Variants in ABLIM1 observed in about 807,000 individuals in gnomAD.
The protein encoded by ABLIM1 is actin-binding LIM protein 1.
A neutral mutation model predicts 107.0 loss-of-function variants in ABLIM1; 40 were observed. The observed-to-expected ratio is 0.37, with a 90% CI of 0.29 to 0.49. ABLIM1 has a LOEUF of 0.49. Among genes scored for constraint, ABLIM1 ranks in the 20% least tolerant of loss-of-function variants. The pLI is 0.97. For synonymous variants in ABLIM1, 357 were observed against 357.3 expected, an observed-to-expected ratio of 1.00 and a Z score of 0.01; for missense variants, 857 against 1,008.5, an observed-to-expected ratio of 0.85 and a Z score of 2.04.
At chr10:114,441,885 C>A in intron 17 of ABLIM1, 99 bp from the exon 18 acceptor site, 2 of 1,078,492 alleles carry the variant, frequency 1.9e-6, no homozygotes, top group Non-Finnish European at 2.8e-6. Flanking sequence ...GATAGAAATA[C>A]CAAAAAAATT....
chr10:114,639,439 G>A (rs561146117), intron 1 of ABLIM1, among the ~76,000 whole-genome samples: 3 of 152,214 alleles, frequency 2.0e-5, no homozygotes, highest in Non-Finnish European at 4.4e-5. Flanking sequence ...CCTACCCAGT[G>A]GTTATTCTAT....
intron 1 of ABLIM1, among the ~76,000 whole-genome samples, chr10:114,724,058 AC>A (rs2081906733): frequency 6.6e-6 from 1 of 152,020 alleles, no homozygotes; most frequent in African/African-American, 2.4e-5. Context: ...ATTTATGAAA[AC>A]CCTTTTAACA....
Position 114,629,938 on chromosome 10 carries a change from G to A in ABLIM1, c.245-27977C>T, listed in dbSNP as rs1168738458. The stretch of plus-strand genomic sequence containing the variant: ...CAATCAGAAAGCAGTGGTGTGGACT[G>A]GCACAGACCTCAAAATAAAACAGAA... On this transcript the variant is annotated intron_variant, in intron 1 of 22. Coordinates refer to ENST00000533213, the MANE Select transcript of ABLIM1 (RefSeq NM_002313.7). This position sits in a 1 kb window ranked among gnomAD's most constrained non-coding sequence, Gnocchi z 4.0. Among the ~76,000 whole-genome samples, 1 of 152,146 alleles carries A rather than the reference G, an allele frequency of 6.6e-6. No individual in the cohort carries two copies. The highest frequency in any genetic ancestry group is 2.4e-5 in the African/African-American group (1 of 41,426).
At position 114,473,020 on chromosome 10, in the gene ABLIM1, G is replaced by C. The variant is rs758212237; in HGVS notation, c.1232C>G (p.Thr411Ser). The C allele has an allele frequency of 1.2e-6, 2 of 1,610,668 alleles. No homozygotes were observed. The highest frequency in any genetic ancestry group is 3.4e-5 in the Admixed American group (2 of 59,692). ...PDLITYEPFY[T>S]SGYDDKQERQ... ...CTCCTGTTTGTCATCATAGCCCGAA[G>C]TGTAGAAAGGCTCATAGGTAATAAG... The change falls in exon 10 of 23, where the codon ACT (threonine) becomes AGT (serine). Residue 411 changes from threonine (T) to serine (S), a missense_variant. This residue lies in a region of ABLIM1 where 381 missense variants were observed against 506.9 expected (regional missense o/e 0.75). Coordinates refer to ENST00000533213, the MANE Select transcript of ABLIM1 (RefSeq NM_002313.7).
intron 1 of ABLIM1, among the ~76,000 whole-genome samples, chr10:114,657,696 T>G (rs1233956904): frequency 6.6e-6 from 1 of 152,196 alleles, no homozygotes; most frequent in Non-Finnish European, 1.5e-5. Context: ...TTACTGACAA[T>G]TATTCATACC....
intron 2 of ABLIM1, among the ~76,000 whole-genome samples, chr10:114,583,273 A>C (rs548141022): frequency 5.3e-5 from 8 of 151,230 alleles, no homozygotes; most frequent in Admixed American, 4.6e-4. Context: ...ACTAATCATC[A>C]GAGAAATGCA....
chr10:114,795,202 C>T, the ABLIM1 span, among the ~76,000 whole-genome samples: 149 of 152,082 alleles, frequency 9.8e-4, 5 homozygotes, highest in East Asian at 0.027. Flanking sequence ...GCGTCTATGG[C>T]ATGCAAATAG....
At chr10:114,519,887 C>G (rs968804521) in intron 6 of ABLIM1, among the ~76,000 whole-genome samples, 1 of 152,234 alleles carries the variant, frequency 6.6e-6, no homozygotes, top group African/African-American at 2.4e-5. Context: ...AAGGAACCAG[C>G]TGGGTTACCC....
rs1189285274 is a variant in ABLIM1, at chr10:114,432,609, A to C, written c.*3651T>G. The stretch of plus-strand genomic sequence containing the variant: ...AAAGAAATCCAGTGAAAGTTTTAGA[A>C]ACATTGCCAGCTAGACGTCTCCGAG... On this transcript the variant is annotated 3_prime_UTR_variant, in exon 23 of 23. Coordinates refer to ENST00000533213, the MANE Select transcript of ABLIM1 (RefSeq NM_002313.7). 6.6e-6 allele frequency: 1 copy of C among 152,226 alleles called. No individual in the cohort carries two copies. Among genetic ancestry groups the C allele is most frequent in the Admixed American group, 6.5e-5 (1 of 15,288 alleles). 9.4% of individuals were successfully genotyped at this position (152,226 alleles called of 1,614,324 possible). A position where few individuals can be genotyped will look rare whatever the true frequency, so the allele number is the denominator to read the frequency against.
At chr10:114,680,719 T>C (rs2080711514) in intron 1 of ABLIM1, among the ~76,000 whole-genome samples, 1 of 152,184 alleles carries the variant, frequency 6.6e-6, no homozygotes, top group African/African-American at 2.4e-5. Context: ...TGACATCCTC[T>C]CACATCATTT....
At chr10:114,578,507 AG>A (rs1326944580) in intron 2 of ABLIM1, among the ~76,000 whole-genome samples, 6 of 151,692 alleles carry the variant, frequency 4.0e-5, no homozygotes, top group African/African-American at 1.5e-4. Context: ...CTCCAGTTCA[AG>A]CGATTCTCCT....
chr10:114,547,505 T>C, intron 5 of ABLIM1, 145 bp downstream of exon 5: 1 of 1,120,558 alleles, frequency 8.9e-7, no homozygotes, highest in Non-Finnish European at 1.2e-6. Flanking sequence ...TTTCAAAAGT[T>C]TTATAGCAAC....
At chr10:114,682,858 C>G (rs997884198) in intron 1 of ABLIM1, among the ~76,000 whole-genome samples, 67 of 152,280 alleles carry the variant, frequency 4.4e-4, no homozygotes, top group Middle Eastern at 3.4e-3. Context: ...AGTCTCTCTG[C>G]GTGTAAGATT....
intron 1 of ABLIM1, among the ~76,000 whole-genome samples, chr10:114,639,889 C>G (rs2497682): frequency 0.13 from 20,473 of 152,174 alleles, 1,862 homozygotes; most frequent in East Asian, 0.44. Flanking sequence ...CAGGATTCCA[C>G]TGCAGTCACA....
chr10:114,693,011 C>T (rs1404837298), intron 1 of ABLIM1, among the ~76,000 whole-genome samples: 1 of 152,238 alleles, frequency 6.6e-6, no homozygotes, highest in Non-Finnish European at 1.5e-5. Flanking sequence ...ACAAAACTGC[C>T]TTTAGCAAAT....
chr10:114,439,268 G>C lies in ABLIM1; in HGVS notation c.2068-18C>G. ...GGGAGTGTCTGCAACAGAAATGCCA[G>C]TTCCAGGTGAGGCATGAAATAGTCT... On this transcript the variant is annotated intron_variant, in intron 20 of 22. Transcript: ENST00000533213. 1.9e-6 allele frequency: 3 copies of C among 1,614,112 alleles called. No homozygotes were observed. The highest frequency in any genetic ancestry group is 2.5e-6 in the Non-Finnish European group (3 of 1,179,952).
At chr10:114,760,891 A>T (rs761985841) in intron 1 of ABLIM1, among the ~76,000 whole-genome samples, 10 of 152,228 alleles carry the variant, frequency 6.6e-5, no homozygotes, top group Non-Finnish European at 1.3e-4. Context: ...ACTTCCAGGA[A>T]ATGTAGTGTT....
intron 19 of ABLIM1, 74 bp downstream of exon 19, chr10:114,440,943 G>A (rs2060103471): frequency 6.5e-6 from 9 of 1,386,680 alleles, no homozygotes; most frequent in African/African-American, 1.4e-5. Flanking sequence ...AACACAGCCA[G>A]TATACTTGAC....
At chr10:114,659,469 A>G (rs1305296305), upstream of ABLIM1, among the ~76,000 whole-genome samples, 10 of 152,124 alleles carry the variant, frequency 6.6e-5, no homozygotes, top group Non-Finnish European at 1.5e-4. Context: ...GTGAGCTATG[A>G]TTGTGCCACT....
Sources: allele counts gnomAD v4.1 joint callset (sites outside exome capture counted in the v4.1 genomes callset), GRCh38; gene constraint gnomAD v4.1.1; regional missense constraint gnomAD v4.1.1; non-coding constraint Gnocchi (gnomAD v3.1); transcripts MANE v1.5; gene names NCBI Gene and HGNC (gene_info 2026-07-23, HGNC 2026-07-21).